The following FGF10 variants were observed in gnomAD, a reference collection of about 807,000 sequenced individuals.
The protein encoded by FGF10 is fibroblast growth factor 10, also known as FGF-10.
A neutral mutation model predicts 19.8 loss-of-function variants in FGF10; 2 were observed. The ratio of observed to expected loss-of-function variants is 0.10; its 90% CI spans 0.04 to 0.32. The LOEUF (loss-of-function observed/expected upper bound fraction) is 0.32, where lower values mean the gene tolerates loss of function less well. Among genes scored for constraint, FGF10 ranks in the 10% least tolerant of loss-of-function variants. FGF10 has a pLI of 1.00. For missense variants in FGF10, 191 were observed against 246.3 expected (o/e 0.78, Z 1.50); for synonymous variants, 112 against 94.0 (o/e 1.19, Z -1.10).
chr5:44,374,314 C>A (rs1170504261), intron 1 of FGF10, among the ~76,000 whole-genome samples: 2 of 152,100 alleles, frequency 1.3e-5, no homozygotes, highest in African/African-American at 4.8e-5. Flanking sequence ...TGGACAATGA[C>A]AATAATCTCC....
At chr5:44,372,695 GA>G (rs1299977849) in intron 1 of FGF10, among the ~76,000 whole-genome samples, 1 of 151,998 alleles carries the variant, frequency 6.6e-6, no homozygotes, top group Non-Finnish European at 1.5e-5. Context: ...CATAAAACTA[GA>G]AAAAAAGTTA....
chr5:44,307,900 G>A (rs1157855282), intron 2 of FGF10, among the ~76,000 whole-genome samples: 1 of 152,204 alleles, frequency 6.6e-6, no homozygotes, highest in South Asian at 2.1e-4. Context: ...GTTTCTTTCT[G>A]AGACAGGCTG....
intron 1 of FGF10, among the ~76,000 whole-genome samples, chr5:44,329,258 C>A (rs373696267): frequency 6.6e-6 from 1 of 152,258 alleles, no homozygotes; most frequent in East Asian, 1.9e-4. Context: ...ATCACTGCAA[C>A]CTCTGCCTCC....
intron 1 of FGF10, among the ~76,000 whole-genome samples, chr5:44,363,177 C>T (rs1579933705): frequency 6.6e-6 from 1 of 151,888 alleles, no homozygotes; most frequent in East Asian, 1.9e-4. Context: ...TAGCCTCAGA[C>T]CTCTAAATTT....
chr5:44,355,029 T>C (rs1045591168), intron 1 of FGF10, among the ~76,000 whole-genome samples: 8 of 151,558 alleles, frequency 5.3e-5, no homozygotes, highest in Admixed American at 4.6e-4. Flanking sequence ...GCAGTGACTT[T>C]ATTCTCTTCG....
intron 2 of FGF10, 115 bp from the exon 3 acceptor site, chr5:44,305,307 C>T (rs1351048465): frequency 1.1e-6 from 1 of 893,516 alleles, no homozygotes; most frequent in Non-Finnish European, 1.8e-6. Flanking sequence ...GCCATTTGTA[C>T]CTAAGTTGTG....
In FGF10 at chr5:44,303,894, T is replaced by A. The variant is rs1740015667; in HGVS notation, c.*1101A>T. 6.6e-6 allele frequency: 1 copy of A among 152,206 alleles called. No homozygotes were observed. Among genetic ancestry groups the A allele is most frequent in the Admixed American group, 6.5e-5 (1 of 15,268 alleles). 9.4% of individuals were successfully genotyped at this position (152,206 alleles called of 1,614,324 possible). ...TTTTTAGAGATGTGGACAGCCTCTTTACCGCCATGACATTTGGCAAGAAAT... is the reference window on the plus strand; with the variant it reads ...TTTTTAGAGATGTGGACAGCCTCTTAACCGCCATGACATTTGGCAAGAAAT... On this transcript the variant is annotated 3_prime_UTR_variant, in exon 3 of 3. Coordinates refer to ENST00000264664, the MANE Select transcript of FGF10 (RefSeq NM_004465.2).
At chr5:44,305,788 TA>T (rs1740063536) in intron 2 of FGF10, among the ~76,000 whole-genome samples, 1 of 152,194 alleles carries the variant, frequency 6.6e-6, no homozygotes, top group African/African-American at 2.4e-5. Flanking sequence ...TGCAATATTC[TA>T]TAGCTTGGAA....
At chr5:44,307,488 A>G (rs1579891554) in intron 2 of FGF10, among the ~76,000 whole-genome samples, 2 of 152,316 alleles carry the variant, frequency 1.3e-5, no homozygotes, top group Admixed American at 1.3e-4. Context: ...GAAAACTCAA[A>G]ATACAATAGA....
intron 1 of FGF10, among the ~76,000 whole-genome samples, chr5:44,362,250 T>G (rs910296923): frequency 2.0e-5 from 3 of 151,730 alleles, no homozygotes; most frequent in Non-Finnish European, 4.4e-5. Flanking sequence ...ATTCACAATG[T>G]CCCCAATGTC....
intron 1 of FGF10, among the ~76,000 whole-genome samples, chr5:44,339,129 A>G (rs73752004): frequency 0.021 from 3,265 of 152,310 alleles, 73 homozygotes; most frequent in African/African-American, 0.058. Context: ...AATTTCCAAA[A>G]TATCTAATCT....
intron 1 of FGF10, among the ~76,000 whole-genome samples, chr5:44,360,639 A>G (rs1741459392): frequency 6.6e-6 from 1 of 151,606 alleles, no homozygotes; most frequent in Admixed American, 6.6e-5. Flanking sequence ...AGGAATTTTT[A>G]TAGGTACTTA....
At chr5:44,306,391 C>T (rs1173283538) in intron 2 of FGF10, among the ~76,000 whole-genome samples, 3 of 152,110 alleles carry the variant, frequency 2.0e-5, no homozygotes, top group Non-Finnish European at 4.4e-5. Context: ...AACGAGACTC[C>T]GTCTCAAAAC....
At chr5:44,318,430 C>A (rs980510) in intron 1 of FGF10, among the ~76,000 whole-genome samples, 63,011 of 151,934 alleles carry the variant, frequency 0.41, 13,890 homozygotes, top group African/African-American at 0.55. Context: ...CTGAAAAGTT[C>A]GAAATCCTGG....
At chr5:44,334,975 C>A (rs943147417) in intron 1 of FGF10, among the ~76,000 whole-genome samples, 4 of 151,910 alleles carry the variant, frequency 2.6e-5, no homozygotes, top group African/African-American at 4.8e-5. Context: ...AACATTTTCC[C>A]CTACTAATGT....
chr5:44,379,741 G>A (rs1579945660), intron 1 of FGF10, among the ~76,000 whole-genome samples: 1 of 152,176 alleles, frequency 6.6e-6, no homozygotes, highest in East Asian at 1.9e-4. Flanking sequence ...TTCTTGTCAT[G>A]TCAGCCCTTT....
chr5:44,375,574 A>T (rs1160579333), intron 1 of FGF10, among the ~76,000 whole-genome samples: 8 of 152,140 alleles, frequency 5.3e-5, no homozygotes, highest in Non-Finnish European at 1.0e-4. Flanking sequence ...CTTATATGAC[A>T]TGTGAAGGAA....
chr5:44,321,672 T>C (rs1223455632), intron 1 of FGF10, among the ~76,000 whole-genome samples: 1 of 152,228 alleles, frequency 6.6e-6, no homozygotes, highest in African/African-American at 2.4e-5. Flanking sequence ...TTTTGCAGGA[T>C]GTGATTAAAA....
chr5:44,388,896 C>A lies in FGF10; in HGVS notation c.-214G>T, dbSNP rs534049353. 11 of 629,332 alleles carry A rather than the reference C, an allele frequency of 1.7e-5. No individual in the cohort carries two copies. The highest frequency in any genetic ancestry group is 1.1e-4 in the South Asian group (6 of 56,022). 39.0% of individuals were successfully genotyped at this position (629,332 alleles called of 1,614,324 possible). On this transcript the variant is annotated 5_prime_UTR_variant, in exon 1 of 3. Coordinates refer to ENST00000264664, the MANE Select transcript of FGF10 (RefSeq NM_004465.2). ...GCTCCTTTCTCGGATCCGCTGCCTACGCCTCTGGAGCCTCCCGGTAAATGG... is the reference window on the plus strand; with the variant it reads ...GCTCCTTTCTCGGATCCGCTGCCTAAGCCTCTGGAGCCTCCCGGTAAATGG...
Sources: allele counts gnomAD v4.1 joint callset (sites outside exome capture counted in the v4.1 genomes callset), GRCh38; gene constraint gnomAD v4.1.1; transcripts MANE v1.5; gene names NCBI Gene and HGNC (gene_info 2026-07-23, HGNC 2026-07-21).